LDB2: variants seen among roughly 807,000 people sequenced by gnomAD.
LDB2 encodes the protein LIM domain-binding protein 2.
LDB2 carries 12 observed loss-of-function variants against 44.3 expected under a neutral mutation model. The ratio of observed to expected loss-of-function variants is 0.27; its 90% CI spans 0.17 to 0.44. LDB2 has a LOEUF of 0.44. Among genes scored for constraint, LDB2 ranks in the 20% least tolerant of loss-of-function variants. LDB2 has a pLI of 1.00. For synonymous variants in LDB2, 164 were observed against 174.8 expected, an observed-to-expected ratio of 0.94 and a Z score of 0.49; for missense variants, 344 against 473.5, an observed-to-expected ratio of 0.73 and a Z score of 2.54.
At chr4:16,548,889 G>A (rs1042294249) in intron 5 of LDB2, among the ~76,000 whole-genome samples, 1 of 152,188 alleles carries the variant, frequency 6.6e-6, no homozygotes, top group Non-Finnish European at 1.5e-5. Context: ...TCTTAGGGAG[G>A]TAAAGGAGAA....
intron 1 of LDB2, among the ~76,000 whole-genome samples, chr4:16,862,866 T>C (rs1448830817): frequency 2.0e-5 from 3 of 152,070 alleles, no homozygotes; most frequent in Non-Finnish European, 2.9e-5. Flanking sequence ...AAATTTGAAC[T>C]TCTTTGTGCA....
chr4:16,517,879 GTGGATGGATGGATGGA>G (rs34267672), intron 5 of LDB2, among the ~76,000 whole-genome samples: 496 of 148,754 alleles, frequency 3.3e-3, no homozygotes, highest in Middle Eastern at 6.8e-3. Context: ...TGATGAATGA[GTGGATGGATGGATGGA>G]TGGATGGATG....
intron 5 of LDB2, among the ~76,000 whole-genome samples, chr4:16,562,720 A>G (rs775736897): frequency 6.6e-6 from 1 of 152,246 alleles, no homozygotes; most frequent in South Asian, 2.1e-4. Context: ...TACTGGGTAC[A>G]TACCCAAAGG....
At position 16,582,262 on chromosome 4, in the gene LDB2, A is replaced by G. The variant is rs1351122432; in HGVS notation, c.615+3660T>C. Among the ~76,000 whole-genome samples, 9 of 152,332 alleles carry G rather than the reference A, an allele frequency of 5.9e-5. No individual in the cohort carries two copies. The highest frequency in any genetic ancestry group is 2.2e-4 in the African/African-American group (9 of 41,576). ...AAAGTGTGTCAGAAATGCTTGTGAAATGAACAATGAATAAATGGGCAAACA... is the reference window on the plus strand; with the variant it reads ...AAAGTGTGTCAGAAATGCTTGTGAAGTGAACAATGAATAAATGGGCAAACA... On this transcript the variant is annotated intron_variant, in intron 5 of 7. Coordinates refer to ENST00000304523, the MANE Select transcript of LDB2 (RefSeq NM_001290.5). The surrounding 1 kb of genome is among the most constrained non-coding windows in gnomAD (Gnocchi z 4.8).
intron 1 of LDB2, among the ~76,000 whole-genome samples, chr4:16,800,937 CG>C (rs1777706071): frequency 6.6e-6 from 1 of 152,142 alleles, no homozygotes; most frequent in Admixed American, 6.5e-5. Flanking sequence ...GGCCTCCCAG[CG>C]TGGTGGGATT....
In LDB2 at chr4:16,739,634, ATG is replaced by A. The variant is rs1182413652; in HGVS notation, c.235+19522_235+19523del. On this transcript the variant is annotated intron_variant, in intron 2 of 7. Transcript: ENST00000304523. ...TGTATATATACATGTGTGTGTATATATGTATATATACATATGTGTGTATATAT... is the reference window on the plus strand; with the variant it reads ...TGTATATATACATGTGTGTGTATATATATATATACATATGTGTGTATATAT... Among the ~76,000 whole-genome samples the A allele has an allele frequency of 7.4e-3, 651 of 87,902 alleles. 83 individuals carry two copies. The highest frequency in any genetic ancestry group is 0.024 in the East Asian group (40 of 1,678). 57.7% of individuals were successfully genotyped at this position (87,902 alleles called of 152,430 possible).
chr4:16,865,383 C>T (rs887442571), intron 1 of LDB2, among the ~76,000 whole-genome samples: 2 of 152,162 alleles, frequency 1.3e-5, no homozygotes, highest in African/African-American at 2.4e-5. Flanking sequence ...GCATTCTTCA[C>T]AGGAAGGAAA....
At chr4:16,744,723 G>A (rs1209284233) in intron 2 of LDB2, among the ~76,000 whole-genome samples, 1 of 151,886 alleles carries the variant, frequency 6.6e-6, no homozygotes, top group African/African-American at 2.4e-5. Context: ...TGATCTGCCC[G>A]CCTCGGCCTC....
At chr4:16,696,439 T>C (rs1368867043) in intron 2 of LDB2, among the ~76,000 whole-genome samples, 1 of 152,210 alleles carries the variant, frequency 6.6e-6, no homozygotes, top group Non-Finnish European at 1.5e-5. Flanking sequence ...CAGAACATTT[T>C]TTTCAAAGGA....
chr4:16,615,709 G>C (rs143925379), intron 2 of LDB2, among the ~76,000 whole-genome samples: 2,123 of 152,144 alleles, frequency 0.014, 57 homozygotes, highest in African/African-American at 0.048. Context: ...TTCTGCACAT[G>C]TATCCCATTT....
intron 2 of LDB2, among the ~76,000 whole-genome samples, chr4:16,711,007 T>C (rs1450736410): frequency 2.6e-5 from 4 of 152,238 alleles, no homozygotes; most frequent in African/African-American, 9.6e-5. Flanking sequence ...TAGCTTTTTA[T>C]GAAATTTCAA....
At chr4:16,859,889 T>C (rs6829935) in intron 1 of LDB2, among the ~76,000 whole-genome samples, 111,842 of 152,210 alleles carry the variant, frequency 0.73, 41,291 homozygotes, top group East Asian at 0.93. Context: ...TCAGGCACTA[T>C]GCAAAACGCT....
chr4:16,515,199 A>G (rs1723179375), intron 5 of LDB2, among the ~76,000 whole-genome samples: 1 of 152,152 alleles, frequency 6.6e-6, no homozygotes, highest in African/African-American at 2.4e-5. Flanking sequence ...AAAACCAAAT[A>G]CTGCATATTC....
chr4:16,674,929 A>G (rs1249703779), intron 2 of LDB2, among the ~76,000 whole-genome samples: 2 of 135,562 alleles, frequency 1.5e-5, no homozygotes, highest in Admixed American at 1.5e-4. Context: ...CTGCTTTATT[A>G]TCTAGGAACC....
chr4:16,601,069 A>C (rs1722457360), intron 2 of LDB2, among the ~76,000 whole-genome samples: 1 of 152,204 alleles, frequency 6.6e-6, no homozygotes, highest in African/African-American at 2.4e-5. Flanking sequence ...AAAATATTCG[A>C]ACTAGTTATT....
At chr4:16,863,470 T>C (rs982548165) in intron 1 of LDB2, among the ~76,000 whole-genome samples, 4 of 152,184 alleles carry the variant, frequency 2.6e-5, no homozygotes, top group East Asian at 1.9e-4. Context: ...CAAACCATTT[T>C]GAGAAACACT....
chr4:16,816,268 ATATCCATGG>A (rs1780874822), intron 1 of LDB2, among the ~76,000 whole-genome samples: 1 of 152,148 alleles, frequency 6.6e-6, no homozygotes, highest in East Asian at 1.9e-4. Context: ...GTATGTGTGG[ATATCCATGG>A]TATTAATACA....
intron 5 of LDB2, among the ~76,000 whole-genome samples, chr4:16,558,352 C>G (rs1476296618): frequency 6.6e-6 from 1 of 152,116 alleles, no homozygotes. Context: ...AACCAATACA[C>G]AGAAGTGCCT....
intron 5 of LDB2, among the ~76,000 whole-genome samples, chr4:16,548,393 T>C (rs1193123011): frequency 2.6e-5 from 4 of 152,146 alleles, no homozygotes; most frequent in Non-Finnish European, 5.9e-5. Context: ...ACTCATTCTT[T>C]CTCCTCCTCC....
Sources: gnomAD v4.1 joint callset for allele counts (sites outside exome capture counted in the v4.1 genomes callset) on GRCh38, gnomAD v4.1.1 for gene constraint, Gnocchi (gnomAD v3.1) non-coding constraint, MANE v1.5 for transcripts, NCBI Gene and HGNC (gene_info 2026-07-23, HGNC 2026-07-21) for gene names.